Variants in MTA3 observed in about 807,000 individuals in gnomAD.
The protein encoded by MTA3 is metastasis-associated protein MTA3.
Under a neutral mutation model 83.5 loss-of-function variants are expected in MTA3, and 34 were observed. That is an observed-to-expected ratio of 0.41 (90% CI 0.31 to 0.54). MTA3 has a LOEUF of 0.54. MTA3 is among the 20% of genes least tolerant of loss of function. The pLI is 0.33. For synonymous variants in MTA3, 303 were observed against 252.7 expected (o/e 1.20, Z -1.89); for missense variants, 761 against 726.4 (o/e 1.05, Z -0.55).
intron 2 of MTA3, among the ~76,000 whole-genome samples, chr2:42,542,452 C>A (rs1313220226): frequency 6.6e-6 from 1 of 152,190 alleles, no homozygotes; most frequent in Non-Finnish European, 1.5e-5. Flanking sequence ...TATATATATT[C>A]AATCAAGTTG....
intron 4 of MTA3, among the ~76,000 whole-genome samples, chr2:42,625,170 T>A (rs1383540260): frequency 5.9e-5 from 9 of 151,906 alleles, no homozygotes; most frequent in Admixed American, 5.9e-4. Flanking sequence ...TAGGTGGGAT[T>A]ACAGGCGCCC....
chr2:42,719,805 T>G (rs1232539342), intron 15 of MTA3, among the ~76,000 whole-genome samples: 1 of 152,232 alleles, frequency 6.6e-6, no homozygotes, highest in Non-Finnish European at 1.5e-5. Flanking sequence ...TGTTGAAATA[T>G]CACAATTAAG....
chr2:42,667,947 A>G (rs941695151), intron 8 of MTA3, among the ~76,000 whole-genome samples: 1 of 152,128 alleles, frequency 6.6e-6, no homozygotes, highest in Non-Finnish European at 1.5e-5. Context: ...CATTTTTATG[A>G]TTCTTTCTTT....
upstream of MTA3, among the ~76,000 whole-genome samples, chr2:42,566,320 G>C (rs1677909553): frequency 6.6e-6 from 1 of 152,080 alleles, no homozygotes; most frequent in Admixed American, 6.6e-5. Context: ...CTGGAATTAG[G>C]ACATATAAAA....
chr2:42,520,346 A>G (rs972310199), intron 2 of MTA3, among the ~76,000 whole-genome samples: 3 of 152,144 alleles, frequency 2.0e-5, no homozygotes, highest in Admixed American at 1.3e-4. Flanking sequence ...AACTTGTCCC[A>G]GAGCAAACCA....
chr2:42,701,965 C>G (rs1372575298), intron 11 of MTA3, among the ~76,000 whole-genome samples: 3 of 151,080 alleles, frequency 2.0e-5, no homozygotes, highest in African/African-American at 7.3e-5. Flanking sequence ...AATCCCAGCA[C>G]TTTGGGAGGC....
chr2:42,570,047 A>G (rs1264679409), intron 1 of MTA3, among the ~76,000 whole-genome samples: 1 of 150,952 alleles, frequency 6.6e-6, no homozygotes, highest in African/African-American at 2.4e-5. Context: ...CAATAGTTTT[A>G]TGTGAGAAGC....
chr2:42,712,295 T>C (rs749463426), intron 14 of MTA3, among the ~76,000 whole-genome samples: 2 of 152,082 alleles, frequency 1.3e-5, no homozygotes, highest in African/African-American at 4.8e-5. Context: ...TTCATCCATA[T>C]ATAGGAATTT....
chr2:42,616,611 C>T lies in MTA3; in HGVS notation c.317+7027C>T, dbSNP rs183136679. 0.016 allele frequency among the ~76,000 whole-genome samples: 1,894 copies of T among 114,836 alleles called. 211 individuals are homozygous for T. The Admixed American group carries it at 0.19, about 11-fold the overall frequency. 75.3% of individuals were successfully genotyped at this position (114,836 alleles called of 152,430 possible). On this transcript the variant is annotated intron_variant, in intron 4 of 16. Transcript: ENST00000405094. The stretch of plus-strand genomic sequence containing the variant: ...TTTTTTTTTTTGAGACAGGGTCTCA[C>T]TCTGTCACCCAGGCTGGAATGTAGT...
chr2:42,728,555 G>C (rs984790421), intron 16 of MTA3, among the ~76,000 whole-genome samples: 2 of 152,160 alleles, frequency 1.3e-5, no homozygotes, highest in African/African-American at 2.4e-5. Context: ...CCCACCAACA[G>C]TGTATAGGGT....
intron 3 of MTA3, among the ~76,000 whole-genome samples, chr2:42,606,756 C>T (rs1355264905): frequency 2.6e-5 from 4 of 151,502 alleles, no homozygotes; most frequent in Non-Finnish European, 5.9e-5. Context: ...TGTAGTGAGC[C>T]GAGATCACGC....
intron 2 of MTA3, among the ~76,000 whole-genome samples, chr2:42,509,541 G>A (rs576497603): frequency 6.6e-6 from 1 of 152,220 alleles, no homozygotes; most frequent in East Asian, 1.9e-4. Flanking sequence ...AGACCAAGGT[G>A]GGTGGCTTGC....
chr2:42,599,059 G>A (rs1173813984), intron 3 of MTA3, among the ~76,000 whole-genome samples: 4 of 152,072 alleles, frequency 2.6e-5, no homozygotes, highest in Non-Finnish European at 5.9e-5. Context: ...TTTTAACTTC[G>A]TTTGCTAGTG....
chr2:42,748,737 C>A (rs1360617150), intron 16 of MTA3, among the ~76,000 whole-genome samples: 4 of 152,056 alleles, frequency 2.6e-5, no homozygotes, highest in African/African-American at 9.7e-5. Flanking sequence ...CTCACTGCGC[C>A]CAGCCAGTCC....
intron 6 of MTA3, among the ~76,000 whole-genome samples, chr2:42,652,089 A>G (rs1303879034): frequency 1.3e-5 from 2 of 152,058 alleles, no homozygotes; most frequent in Non-Finnish European, 2.9e-5. Flanking sequence ...AAGAAAAAAA[A>G]GAAAAAAAAG....
chr2:42,720,213 C>T (rs968656427), intron 15 of MTA3, among the ~76,000 whole-genome samples: 6 of 151,548 alleles, frequency 4.0e-5, no homozygotes, highest in Middle Eastern at 3.4e-3. Flanking sequence ...GACGGAATCT[C>T]ACTCTTCTGT....
At chr2:42,684,634 T>A (rs1469283362) in intron 9 of MTA3, among the ~76,000 whole-genome samples, 1 of 152,128 alleles carries the variant, frequency 6.6e-6, no homozygotes, top group Non-Finnish European at 1.5e-5. Flanking sequence ...ACAAATCAAA[T>A]CTACACTGTG....
chr2:42,666,956 G>C (rs1018405379), intron 8 of MTA3, among the ~76,000 whole-genome samples: 2 of 152,192 alleles, frequency 1.3e-5, no homozygotes, highest in Non-Finnish European at 2.9e-5. Flanking sequence ...TCATCACTAA[G>C]AGTGATGTGT....
chr2:42,549,330 C>G (rs189027295), intron 2 of MTA3, among the ~76,000 whole-genome samples: 1 of 108,588 alleles, frequency 9.2e-6, no homozygotes, highest in African/African-American at 3.6e-5. Flanking sequence ...ATATTATATA[C>G]GTATACGTAT....
Sources: allele counts gnomAD v4.1 joint callset (sites outside exome capture counted in the v4.1 genomes callset), GRCh38; gene constraint gnomAD v4.1.1; transcripts MANE v1.5; gene names NCBI Gene and HGNC (gene_info 2026-07-23, HGNC 2026-07-21).